The following GRK5 variants were observed in gnomAD, a reference collection of about 807,000 sequenced individuals.
The protein encoded by GRK5 is g protein-coupled receptor kinase GRK5.
In GRK5, 40 loss-of-function variants were observed where a neutral mutation model predicts 78.4. That is an observed-to-expected ratio of 0.51 (90% CI 0.40 to 0.66). The LOEUF is 0.66. Among genes scored for constraint, GRK5 ranks in the 30% least tolerant of loss-of-function variants. The probability of loss-of-function intolerance (pLI) is 0.00; values close to 1 mark genes in which losing one functional copy is unlikely to be tolerated. For synonymous variants in GRK5, 289 were observed against 296.8 expected, an observed-to-expected ratio of 0.97 and a Z score of 0.27; for missense variants, 598 against 759.9, an observed-to-expected ratio of 0.79 and a Z score of 2.50.
chr10:119,272,179 T>A (rs916656248), intron 1 of GRK5, among the ~76,000 whole-genome samples: 1 of 152,200 alleles, frequency 6.6e-6, no homozygotes, highest in Non-Finnish European at 1.5e-5. Flanking sequence ...AGGGCATAGA[T>A]GCTAAATGGG....
At chr10:119,405,511 G>C (rs111537132) in intron 4 of GRK5, among the ~76,000 whole-genome samples, 7 of 152,044 alleles carry the variant, frequency 4.6e-5, no homozygotes, top group Non-Finnish European at 1.0e-4. Flanking sequence ...AAAGTCAAGA[G>C]CTTGAATGAA....
At chr10:119,405,593 C>T (rs375560064) in intron 4 of GRK5, among the ~76,000 whole-genome samples, 4 of 151,422 alleles carry the variant, frequency 2.6e-5, no homozygotes, top group African/African-American at 4.9e-5. Context: ...GTCAGGAAGC[C>T]GAACAAACCC....
At position 119,271,085 on chromosome 10, in the gene GRK5, AT is replaced by A. The variant is rs1173529013; in HGVS notation, c.53-55430del. 1.3e-5 allele frequency among the ~76,000 whole-genome samples: 2 copies of A among 152,212 alleles called. No homozygotes were observed. Among genetic ancestry groups the A allele is most frequent in the African/African-American group, 4.8e-5 (2 of 41,454 alleles). ...ACAGGACCCGCCTAGAAGTGACTGAATAGCAGACCGGGCTTTCGTAAGTAAG... is the reference window on the plus strand; with the variant it reads ...ACAGGACCCGCCTAGAAGTGACTGAAAGCAGACCGGGCTTTCGTAAGTAAG... On this transcript the variant is annotated intron_variant, in intron 1 of 15. Transcript: ENST00000392870. This position sits in a 1 kb window ranked among gnomAD's most constrained non-coding sequence, Gnocchi z 4.1.
At chr10:119,447,929 A>C (rs1297884627) in intron 12 of GRK5, among the ~76,000 whole-genome samples, 194 bp from the exon 13 acceptor site, 1 of 152,216 alleles carries the variant, frequency 6.6e-6, no homozygotes, top group South Asian at 2.1e-4. Flanking sequence ...CTGTCCCATC[A>C]GGCATCTAGC....
intron 1 of GRK5, among the ~76,000 whole-genome samples, chr10:119,213,630 T>C (rs895977122): frequency 6.6e-6 from 1 of 152,230 alleles, no homozygotes; most frequent in African/African-American, 2.4e-5. Flanking sequence ...ATTCTAAATA[T>C]TGAAAAGATG....
chr10:119,354,663 A>C (rs1851239821), intron 2 of GRK5, among the ~76,000 whole-genome samples: 1 of 152,148 alleles, frequency 6.6e-6, no homozygotes, highest in African/African-American at 2.4e-5. Context: ...TGGCCTTCCA[A>C]AGTGCTGGGA....
In GRK5 at chr10:119,306,242, G is replaced by T. The variant is rs141054129; in HGVS notation, c.53-20274G>T. Among the ~76,000 whole-genome samples, 11 of 152,288 alleles carry T rather than the reference G, an allele frequency of 7.2e-5. No individual in the cohort carries two copies. In the East Asian group the frequency reaches 2.1e-3, roughly 29 times the overall value. On this transcript the variant is annotated intron_variant, in intron 1 of 15. Coordinates refer to ENST00000392870, the MANE Select transcript of GRK5 (RefSeq NM_005308.3). ...TCGCCTTTTGTGGAGAAATTTGCCC[G>T]CTAACAGGCCATCTGTGTGAGGTGA...
At chr10:119,275,587 GCTCTCTCTCT>G (rs143881383) in intron 1 of GRK5, among the ~76,000 whole-genome samples, 13 of 130,634 alleles carry the variant, frequency 1.0e-4, no homozygotes, top group South Asian at 2.6e-4. Context: ...GCGTGTGCAC[GCTCTCTCTCT>G]CTCTCTCTCT....
At chr10:119,222,022 C>T (rs1848663216) in intron 1 of GRK5, among the ~76,000 whole-genome samples, 1 of 152,130 alleles carries the variant, frequency 6.6e-6, no homozygotes, top group Non-Finnish European at 1.5e-5. Flanking sequence ...AAAACAAGCC[C>T]ACAGCTTCGT....
intron 1 of GRK5, among the ~76,000 whole-genome samples, chr10:119,316,191 T>C (rs192624183): frequency 1.9e-4 from 29 of 152,330 alleles, no homozygotes; most frequent in African/African-American, 6.5e-4. Context: ...GGCCATGCCA[T>C]GTCACCCTGC....
chr10:119,397,801 C>T (rs1193875935), intron 4 of GRK5, among the ~76,000 whole-genome samples: 1 of 152,254 alleles, frequency 6.6e-6, no homozygotes, highest in Middle Eastern at 3.2e-3. Context: ...GTGAGACCAG[C>T]CTCACGCCCA....
In GRK5 at chr10:119,455,151, G is replaced by T. The variant is rs1252970221; in HGVS notation, c.*84G>T. On this transcript the variant is annotated 3_prime_UTR_variant, in exon 16 of 16. Transcript: ENST00000392870. ...TGGAAGTAGTGGAGCCCCTGCTCTG[G>T]TGGGGCTGCCAGGGGAGACCCCGGG... 1 of 1,118,836 alleles carries T rather than the reference G, an allele frequency of 8.9e-7. No homozygotes were observed. Among genetic ancestry groups the T allele is most frequent in the South Asian group, 1.2e-5 (1 of 80,580 alleles). The allele number at this position is 1,118,836 out of a possible 1,614,324, so 69.3% of individuals were successfully genotyped here.
Position 119,337,819 on chromosome 10 carries a change from C to T in GRK5, c.148+11208C>T, listed in dbSNP as rs377216990. On this transcript the variant is annotated intron_variant, in intron 2 of 15. Transcript: ENST00000392870. ...TATATTTTTAGTAGAGACGGGGTTTCACCAGGTTGCCAGGCTGGTTTTGAA... is the reference window on the plus strand; with the variant it reads ...TATATTTTTAGTAGAGACGGGGTTTTACCAGGTTGCCAGGCTGGTTTTGAA... 1.6e-3 allele frequency among the ~76,000 whole-genome samples: 249 copies of T among 152,166 alleles called. 2 individuals are homozygous for T. Among genetic ancestry groups the T allele is most frequent in the African/African-American group, 5.7e-3 (238 of 41,500 alleles).
At chr10:119,315,086 C>G (rs531486249) in intron 1 of GRK5, among the ~76,000 whole-genome samples, 1 of 152,312 alleles carries the variant, frequency 6.6e-6, no homozygotes, top group Admixed American at 6.5e-5. Context: ...GGCTCTGCGC[C>G]CTGTCCTGGT....
chr10:119,225,686 T>G (rs1187183475), intron 1 of GRK5, among the ~76,000 whole-genome samples: 1 of 150,712 alleles, frequency 6.6e-6, no homozygotes, highest in Non-Finnish European at 1.5e-5. Context: ...TTTTTTTTTT[T>G]TTGAGATAGA....
chr10:119,267,243 CA>C lies in GRK5; in HGVS notation c.53-59261del, dbSNP rs1199373011. Among the ~76,000 whole-genome samples, 214 of 145,672 alleles carry C rather than the reference CA, an allele frequency of 1.5e-3. 3 individuals are homozygous for C. The highest frequency in any genetic ancestry group is 4.4e-3 in the African/African-American group (177 of 40,010). ...GGGCAACAAGAGCGAAACTCTGTCT[CA>C]AAAAAAAAAAATTCTTTTTGCAGTG... On this transcript the variant is annotated intron_variant, in intron 1 of 15. Transcript: ENST00000392870. The surrounding 1 kb of genome is among the most constrained non-coding windows in gnomAD (Gnocchi z 4.1).
chr10:119,289,230 T>C (rs1289788206), intron 1 of GRK5, among the ~76,000 whole-genome samples: 1 of 152,198 alleles, frequency 6.6e-6, no homozygotes, highest in African/African-American at 2.4e-5. Context: ...GAGCCACTTC[T>C]CTGTGGCCCC....
intron 13 of GRK5, among the ~76,000 whole-genome samples, chr10:119,449,821 C>G (rs951195744): frequency 6.6e-6 from 1 of 152,206 alleles, no homozygotes; most frequent in Non-Finnish European, 1.5e-5. Flanking sequence ...CTGAATGCTG[C>G]AAACTCAATC....
chr10:119,374,339 G>T (rs986564515), intron 2 of GRK5, among the ~76,000 whole-genome samples: 2 of 152,210 alleles, frequency 1.3e-5, no homozygotes, highest in African/African-American at 4.8e-5. Flanking sequence ...CATCCACTGT[G>T]GTGTCCTTGG....
Sources: gnomAD v4.1 joint callset for allele counts (sites outside exome capture counted in the v4.1 genomes callset) on GRCh38, gnomAD v4.1.1 for gene constraint, Gnocchi (gnomAD v3.1) non-coding constraint, MANE v1.5 for transcripts, NCBI Gene and HGNC (gene_info 2026-07-23, HGNC 2026-07-21) for gene names.